CFAP46: variants seen among roughly 807,000 people sequenced by gnomAD.
CFAP46 encodes cilia- and flagella-associated protein 46.
A neutral mutation model predicts 325.7 loss-of-function variants in CFAP46; 245 were observed. The observed-to-expected ratio is 0.75, with a 90% CI of 0.68 to 0.84. CFAP46 has a LOEUF of 0.84. CFAP46 is among the 40% of genes least tolerant of loss of function. The pLI is 0.00. For missense variants in CFAP46, 3,346 were observed against 3,543.0 expected (o/e 0.94, Z 1.41); for synonymous variants, 1,523 against 1,495.9 (o/e 1.02, Z -0.42).
intron 44 of CFAP46, among the ~76,000 whole-genome samples, chr10:132,838,087 G>T (rs1848296111): frequency 6.6e-6 from 1 of 152,246 alleles, no homozygotes; most frequent in Non-Finnish European, 1.5e-5. Context: ...ATGCCAGTCG[G>T]CTGTGGTCAG....
At chr10:132,840,073 T>G (rs2135053779) in intron 44 of CFAP46, among the ~76,000 whole-genome samples, 1 of 152,352 alleles carries the variant, frequency 6.6e-6, no homozygotes, top group Non-Finnish European at 1.5e-5. Context: ...TTGGAAGAAT[T>G]TACTGGTGAA....
At chr10:132,835,255 G>T (rs1180227287) in intron 47 of CFAP46, 49 bp downstream of exon 47, 3 of 1,597,930 alleles carry the variant, frequency 1.9e-6, no homozygotes, top group Admixed American at 3.4e-5. Context: ...TCCCAGGGGT[G>T]GGGAGCAGAG....
Position 132,876,744 on chromosome 10 carries a change from T to C in CFAP46, c.4362+68A>G, listed in dbSNP as rs1037463387. ...CTACAGTTCACAGTGAAAACTGGAC[T>C]TGGGGACAGGTCAAGGGGACACCAT... On this transcript the variant is annotated intron_variant, in intron 31 of 57. Coordinates refer to ENST00000368586, the MANE Select transcript of CFAP46 (RefSeq NM_001200049.3). This position sits in a 1 kb window ranked among gnomAD's most constrained non-coding sequence, Gnocchi z 4.1. 6.8e-7 allele frequency: 1 copy of C among 1,462,868 alleles called. No individual in the cohort carries two copies. The highest frequency in any genetic ancestry group is 9.1e-7 in the Non-Finnish European group (1 of 1,096,266). 90.6% of individuals were successfully genotyped at this position (1,462,868 alleles called of 1,614,324 possible). A position where few individuals can be genotyped will look rare whatever the true frequency, so the allele number is the denominator to read the frequency against.
At chr10:132,938,560 C>T (rs769523826) in intron 5 of CFAP46, 29 bp downstream of exon 5, 2 of 1,606,584 alleles carry the variant, frequency 1.2e-6, no homozygotes, top group South Asian at 1.1e-5. Context: ...CACCGGGAGG[C>T]CACAGAGGGC....
In CFAP46 at chr10:132,913,042, G is replaced by A. The variant is rs768301829; in HGVS notation, c.2333+4C>T. 11 of 1,549,210 alleles carry A rather than the reference G, an allele frequency of 7.1e-6. No individual in the cohort carries two copies. Among genetic ancestry groups the A allele is most frequent in the South Asian group, 2.4e-5 (2 of 84,012 alleles). ...TGCGTGAACGCAGCACAGCCCACAC[G>A]CACCCACTGTGGCCTGTGGCCTTAA... On this transcript the variant is annotated splice_donor_region_variant and intron_variant, in intron 18 of 57. Transcript: ENST00000368586.
At chr10:132,809,628 G>A (rs892581234) in intron 57 of CFAP46, among the ~76,000 whole-genome samples, 5 of 152,172 alleles carry the variant, frequency 3.3e-5, no homozygotes, top group South Asian at 2.1e-4. Flanking sequence ...CACCCCCTCC[G>A]TGCACCGCTG....
At chr10:132,812,950 C>A in intron 54 of CFAP46, 53 bp from the exon 55 acceptor site, 5 of 1,390,524 alleles carry the variant, frequency 3.6e-6, no homozygotes, top group Non-Finnish European at 5.0e-6. Flanking sequence ...TGTACCAGAC[C>A]CCACCGTGCG....
chr10:132,872,796 A>G lies in CFAP46; in HGVS notation c.4391T>C (p.Leu1464Pro), dbSNP rs1488733951. 9 of 1,551,014 alleles carry G rather than the reference A, an allele frequency of 5.8e-6. No individual in the cohort carries two copies. Among genetic ancestry groups the G allele is most frequent in the Non-Finnish European group, 7.8e-6 (9 of 1,147,124 alleles). ...GCACATCTTCTGCAGGGCCTTGACC[A>G]GGTGGTCCAGGAAATACAAACTGTA... ...PTYSLYFLDH[L>P]VKALQKMCLH... is the part of the protein sequence containing the mutation. The change falls in exon 32 of 58, where the codon CTG becomes CCG. Residue 1464 changes from leucine to proline, a missense_variant. Transcript: ENST00000368586.
chr10:132,909,985 G>A lies in CFAP46; in HGVS notation c.2583C>T (p.Ala861=). The change falls in exon 20 of 58, where the codon GCC becomes GCT. Residue 861 remains alanine, a synonymous_variant. Coordinates refer to ENST00000368586, the MANE Select transcript of CFAP46 (RefSeq NM_001200049.3). Reference sequence around the variant, plus strand: ...GCAGCTGCTTGGCCTTGACCCAGGTGGCGATAAGCTGCTGCCGGGTGCCGG... The same window carrying A: ...GCAGCTGCTTGGCCTTGACCCAGGTAGCGATAAGCTGCTGCCGGGTGCCGG... ...VPTGTRQQLI[A]TWVKAKQLLQ... 1.3e-6 allele frequency: 2 copies of A among 1,543,302 alleles called. No individual in the cohort carries two copies. Among genetic ancestry groups the A allele is most frequent in the East Asian group, 2.5e-5 (1 of 40,058 alleles).
intron 27 of CFAP46, among the ~76,000 whole-genome samples, chr10:132,882,839 G>T (rs1849069088): frequency 6.6e-6 from 1 of 152,042 alleles, no homozygotes; most frequent in African/African-American, 2.4e-5. Flanking sequence ...GCCGATGGTG[G>T]CTCCCACAAA....
intron 28 of CFAP46, among the ~76,000 whole-genome samples, chr10:132,880,556 G>T (rs957740785): frequency 6.6e-6 from 1 of 152,230 alleles, no homozygotes; most frequent in Non-Finnish European, 1.5e-5. Flanking sequence ...GTGTGCCCGA[G>T]AACATGCCTT....
intron 24 of CFAP46, among the ~76,000 whole-genome samples, chr10:132,898,271 C>T (rs953199898): frequency 8.5e-5 from 13 of 152,348 alleles, no homozygotes; most frequent in African/African-American, 1.2e-4. Context: ...GAAGCCTTCA[C>T]CAACTCCAGC....
At chr10:132,885,005 GC>G in intron 27 of CFAP46, 97 bp downstream of exon 27, 2 of 1,316,922 alleles carry the variant, frequency 1.5e-6, no homozygotes, top group Non-Finnish European at 2.1e-6. Context: ...TCTGCGTGCT[GC>G]CCCACACCAG....
Position 132,814,574 on chromosome 10 carries a change from C to T in CFAP46, c.7285+3G>A. 1 of 1,561,046 alleles carries T rather than the reference C, an allele frequency of 6.4e-7. No homozygotes were observed. Among genetic ancestry groups the T allele is most frequent in the Non-Finnish European group, 8.7e-7 (1 of 1,152,944 alleles). ...TGAACAGGGAGCCCTGTGCAGCACC[C>T]ACCTGGGCCCTGGGCCTCCTCGTAT... On this transcript the variant is annotated splice_donor_region_variant and intron_variant, in intron 53 of 57. Transcript: ENST00000368586.
At position 132,860,902 on chromosome 10, in the gene CFAP46, T is replaced by C. The variant is rs762663999; in HGVS notation, c.4971A>G (p.Gln1657=). ...QLANKEKNYG[Q]AKKMIAQAQH... Reference sequence around the variant, plus strand: ...GGGCCTGTGCGATCATTTTCTTGGCTTGTCCATAGTTTTTCTCCTTGTTGG... The same window carrying C: ...GGGCCTGTGCGATCATTTTCTTGGCCTGTCCATAGTTTTTCTCCTTGTTGG... The change falls in exon 36 of 58, where the codon CAA becomes CAG. Residue 1657 remains glutamine, a synonymous_variant. Coordinates refer to ENST00000368586, the MANE Select transcript of CFAP46 (RefSeq NM_001200049.3). The C allele has an allele frequency of 1.9e-6, 3 of 1,550,686 alleles. No homozygotes were observed. In the African/African-American group the frequency reaches 4.1e-5, roughly 21 times the overall value.
chr10:132,842,981 T>C (rs987037895), intron 44 of CFAP46, among the ~76,000 whole-genome samples: 3 of 152,234 alleles, frequency 2.0e-5, no homozygotes, highest in Admixed American at 6.5e-5. Flanking sequence ...TACTGCCACA[T>C]TGGGCATTGT....
chr10:132,835,141 C>G (rs994295280), intron 47 of CFAP46, among the ~76,000 whole-genome samples, 163 bp downstream of exon 47: 1 of 152,276 alleles, frequency 6.6e-6, no homozygotes, highest in Non-Finnish European at 1.5e-5. Flanking sequence ...CCACATGGAG[C>G]TTGGCCTGGG....
At chr10:132,907,446 C>T (rs1389253428) in intron 22 of CFAP46, among the ~76,000 whole-genome samples, 4 of 152,114 alleles carry the variant, frequency 2.6e-5, no homozygotes, top group African/African-American at 7.2e-5. Context: ...GCTATGCTGA[C>T]GACGGGGACC....
chr10:132,828,967 T>A lies in CFAP46; in HGVS notation c.7117+4391A>T, dbSNP rs896973087. Reference sequence around the variant, plus strand: ...TCACGCCTGCGCTCCACTGTATCAATACTGCACCCATGTGACGGGGTCCTG... The same window carrying A: ...TCACGCCTGCGCTCCACTGTATCAAAACTGCACCCATGTGACGGGGTCCTG... On this transcript the variant is annotated intron_variant, in intron 50 of 57. Transcript: ENST00000368586. This position sits in a 1 kb window ranked among gnomAD's most constrained non-coding sequence, Gnocchi z 4.9. 2.0e-5 allele frequency among the ~76,000 whole-genome samples: 3 copies of A among 151,780 alleles called. No homozygotes were observed. Among genetic ancestry groups the A allele is most frequent in the Admixed American group, 2.0e-4 (3 of 15,242 alleles).
Sources: allele counts gnomAD v4.1 joint callset (sites outside exome capture counted in the v4.1 genomes callset), GRCh38; gene constraint gnomAD v4.1.1; non-coding constraint Gnocchi (gnomAD v3.1); transcripts MANE v1.5; gene names NCBI Gene and HGNC (gene_info 2026-07-23, HGNC 2026-07-21).